Variants in BCHE observed in about 807,000 individuals in gnomAD.
BCHE encodes cholinesterase.
BCHE carries 48 observed loss-of-function variants against 51.3 expected under a neutral mutation model. That is an observed-to-expected ratio of 0.94 (90% confidence interval 0.74 to 1.19). BCHE has a LOEUF of 1.19. BCHE is among the 50% of genes most tolerant of loss of function. The pLI, the probability that BCHE is intolerant of heterozygous loss-of-function variation, is 0.00. For missense variants in BCHE, 847 were observed against 708.2 expected (o/e 1.20, Z -2.23); for synonymous variants, 251 against 238.0 (o/e 1.05, Z -0.50).
chr3:165,792,298 A>T (rs992776428), intron 2 of BCHE, among the ~76,000 whole-genome samples: 3 of 151,762 alleles, frequency 2.0e-5, no homozygotes, highest in East Asian at 1.9e-4. Context: ...TACTTTTGAT[A>T]AAAAAAATCT....
In BCHE at chr3:165,829,743, A is replaced by T; in HGVS notation, c.1291T>A (p.Leu431Met). 1 of 1,613,930 alleles carries T rather than the reference A, an allele frequency of 6.2e-7. No individual in the cohort carries two copies. The highest frequency in any genetic ancestry group is 8.5e-7 in the Non-Finnish European group (1 of 1,179,890). The change falls in exon 2 of 4, where the codon TTG (leucine) becomes ATG (methionine). Residue 431 changes from leucine (L) to methionine (M), a missense_variant. Physicochemically the swap from Leu to Met is conservative, Grantham distance 15. Transcript: ENST00000264381. ...VGDYNFICPA[L>M]EFTKKFSEWG... ...TCTGAGAACTTCTTGGTGAACTCCA[A>T]GGCAGGGCATATGAAATTATAATCC...
chr3:165,781,866 A>C (rs911136844), intron 3 of BCHE, among the ~76,000 whole-genome samples: 1 of 152,150 alleles, frequency 6.6e-6, no homozygotes, highest in Non-Finnish European at 1.5e-5. Flanking sequence ...AATAAATAAT[A>C]AAGTTTTTAT....
rs1442618170 is a variant in BCHE, at chr3:165,830,689, G to A, written c.345C>T (p.Asp115=). ...TTAGATATAAACAGTCTTCACTGAG[G>A]TCAGTGTTTGGGTTCCACATCTCTG... The part of the protein sequence containing the change: ...HGSEMWNPNT[D]LSEDCLYLNV... The change falls in exon 2 of 4, where the codon GAC becomes GAT. Residue 115 remains aspartate (D), a synonymous_variant. Coordinates refer to ENST00000264381, the MANE Select transcript of BCHE (RefSeq NM_000055.4). The A allele has an allele frequency of 7.4e-6, 12 of 1,613,876 alleles. No individual in the cohort carries two copies. The highest frequency in any genetic ancestry group is 1.0e-5 in the Non-Finnish European group (12 of 1,179,964).
chr3:165,781,291 AT>A lies in BCHE; in HGVS notation c.1684+4853del, dbSNP rs1712688186. On this transcript the variant is annotated intron_variant, in intron 3 of 3. Coordinates refer to ENST00000264381, the MANE Select transcript of BCHE (RefSeq NM_000055.4). ...ATAAAGCCCATGCACATGTATGTTT[AT>A]TGCAGCACTATTTACAACAGCAAAG... 3.3e-5 allele frequency among the ~76,000 whole-genome samples: 5 copies of A among 152,276 alleles called. No individual in the cohort carries two copies. In the South Asian group the frequency reaches 1.0e-3, roughly 32 times the overall value.
chr3:165,809,174 C>A (rs966846729), intron 2 of BCHE, among the ~76,000 whole-genome samples: 2 of 151,960 alleles, frequency 1.3e-5, no homozygotes, highest in Admixed American at 6.6e-5. Flanking sequence ...AAGAAAAAAA[C>A]CGTTATGGAC....
At chr3:165,824,843 C>T (rs1024876820) in intron 2 of BCHE, among the ~76,000 whole-genome samples, 7 of 151,590 alleles carry the variant, frequency 4.6e-5, no homozygotes, top group African/African-American at 1.7e-4. Context: ...TAAAAAATAA[C>T]AAAATAAAAG....
intron 3 of BCHE, among the ~76,000 whole-genome samples, chr3:165,781,884 A>G (rs942635649): frequency 7.2e-5 from 11 of 152,288 alleles, no homozygotes; most frequent in African/African-American, 2.6e-4. Context: ...TATTTTCTAA[A>G]AATAATTGCC....
rs1028387606 is a variant in BCHE, at chr3:165,786,307, G to T, written c.1522C>A (p.Pro508Thr). 2 of 1,609,464 alleles carry T rather than the reference G, an allele frequency of 1.2e-6. No individual in the cohort carries two copies. The highest frequency in any genetic ancestry group is 1.7e-5 in the Admixed American group (1 of 59,702). The change falls in exon 3 of 4, where the codon CCA becomes ACA. Residue 508 changes from proline to threonine, a missense_variant. Pro to Thr is a conservative substitution (Grantham distance 38, BLOSUM62 -1). Transcript: ENST00000264381. ...GTGCTATTGTTCTGAGTCTCATTTGGATTCCTAAATAATAAAATAGAGACA... is the reference window on the plus strand; with the variant it reads ...GTGCTATTGTTCTGAGTCTCATTTGTATTCCTAAATAATAAAATAGAGACA... ...RWANFAKYGNPNETQNNSTSW... is the reference protein window; with the variant it reads ...RWANFAKYGNTNETQNNSTSW...
intron 3 of BCHE, among the ~76,000 whole-genome samples, chr3:165,784,850 T>C (rs1260005788): frequency 6.6e-6 from 1 of 151,796 alleles, no homozygotes; most frequent in Admixed American, 6.6e-5. Context: ...TAAAGATTAA[T>C]AATATATAGT....
In BCHE at chr3:165,786,088, C is replaced by A. The variant is rs1268884630; in HGVS notation, c.1684+57G>T. On this transcript the variant is annotated intron_variant, in intron 3 of 3. Transcript: ENST00000264381. ...CCGTGCCTTGGAGAGTATACTTCAT[C>A]CCTTTTTTACATAACCCATCATCTA... The A allele has an allele frequency of 3.2e-6, 5 of 1,553,768 alleles. No individual in the cohort carries two copies. The African/African-American group carries it at 5.4e-5, about 17-fold the overall frequency.
At chr3:165,776,264 T>C (rs1207937816) in intron 3 of BCHE, among the ~76,000 whole-genome samples, 1 of 151,970 alleles carries the variant, frequency 6.6e-6, no homozygotes, top group African/African-American at 2.4e-5. Flanking sequence ...AATGTAAGTT[T>C]CTTAGAATTG....
chr3:165,837,308 A>G lies in BCHE; in HGVS notation c.-9+6T>C, dbSNP rs1336620104. The G allele has an allele frequency of 7.8e-7, 1 of 1,286,586 alleles. No individual in the cohort carries two copies. The highest frequency in any genetic ancestry group is 1.2e-5 in the South Asian group (1 of 80,972). 79.7% of individuals were successfully genotyped at this position (1,286,586 alleles called of 1,614,324 possible). On this transcript the variant is annotated splice_donor_region_variant and intron_variant, in intron 1 of 3. Coordinates refer to ENST00000264381, the MANE Select transcript of BCHE (RefSeq NM_000055.4). ...TACACGAAGGTGTAAATTCAGAGCA[A>G]CTTACCCGATTCTCTGCAACAAAGA... is the stretch of plus-strand genomic sequence containing the variant.
rs767707514 is a variant in BCHE, at chr3:165,830,517, T to C, written c.517A>G (p.Asn173Asp). Residue 173 changes from asparagine (N) to aspartate (D), a missense_variant, in exon 2 of 4, where the codon AAC (asparagine) becomes GAC (aspartate). Physicochemically the swap from Asn to Asp is conservative, Grantham distance 23. Coordinates refer to ENST00000264381, the MANE Select transcript of BCHE (RefSeq NM_000055.4). ...RVERVIVVSMNYRVGALGFLA... is the reference protein window; with the variant it reads ...RVERVIVVSMDYRVGALGFLA... ...AATCCTAGGGCACCCACCCTATAGT[T>C]CATTGACACTACAATAACTCTTTCA... is the stretch of plus-strand genomic sequence containing the variant. 1 of 1,613,938 alleles carries C rather than the reference T, an allele frequency of 6.2e-7. No homozygotes were observed. The highest frequency in any genetic ancestry group is 8.5e-7 in the Non-Finnish European group (1 of 1,179,926).
Position 165,830,493 on chromosome 3 carries a change from A to T in BCHE, c.541T>A (p.Phe181Ile). The change falls in exon 2 of 4, where the codon TTC becomes ATC. Residue 181 changes from phenylalanine to isoleucine, a missense_variant. By Grantham distance (21) the Phe-to-Ile change is conservative (BLOSUM62 0). Transcript: ENST00000264381. ...SMNYRVGALG[F>I]LALPGNPEAP... ...TCAGGATTTCCTGGCAAAGCTAAGA[A>T]TCCTAGGGCACCCACCCTATAGTTC... 2 of 1,613,840 alleles carry T rather than the reference A, an allele frequency of 1.2e-6. No individual in the cohort carries two copies. The highest frequency in any genetic ancestry group is 1.7e-6 in the Non-Finnish European group (2 of 1,179,896).
intron 3 of BCHE, chr3:165,778,642 A>T (rs1380293215): frequency 2.2e-6 from 1 of 448,794 alleles, no homozygotes; most frequent in Non-Finnish European, 4.5e-6. Flanking sequence ...CTGGGCCCTG[A>T]CTCCACTTCA....
At chr3:165,801,342 G>A (rs145233809) in intron 2 of BCHE, among the ~76,000 whole-genome samples, 286 of 152,262 alleles carry the variant, frequency 1.9e-3, no homozygotes, top group African/African-American at 6.7e-3. Flanking sequence ...CTTATGATTT[G>A]CATGTACCTT....
intron 2 of BCHE, among the ~76,000 whole-genome samples, chr3:165,788,069 T>C (rs1355534): frequency 0.65 from 99,016 of 151,782 alleles, 34,707 homozygotes; most frequent in East Asian, 0.78. Context: ...ACCTTCTGTA[T>C]ATTATTAATA....
chr3:165,773,090 A>AG lies in BCHE; in HGVS notation c.*291_*292insC, dbSNP rs1298151095. On this transcript the variant is annotated 3_prime_UTR_variant, in exon 4 of 4. Coordinates refer to ENST00000264381, the MANE Select transcript of BCHE (RefSeq NM_000055.4). ...CAGAGCACTGATAATTTTGGGGGGA[A>AG]AAACTTAAATTTATTAAGGAAAGAA... 4.0e-6 allele frequency: 1 copy of AG among 248,888 alleles called. No homozygotes were observed. Among genetic ancestry groups the AG allele is most frequent in the Non-Finnish European group, 7.7e-6 (1 of 129,766 alleles). 15.4% of individuals were successfully genotyped at this position (248,888 alleles called of 1,614,324 possible). A position where few individuals can be genotyped will look rare whatever the true frequency, so the allele number is the denominator to read the frequency against.
intron 2 of BCHE, among the ~76,000 whole-genome samples, chr3:165,819,982 A>G (rs547858559): frequency 6.6e-6 from 1 of 152,078 alleles, no homozygotes; most frequent in East Asian, 1.9e-4. Flanking sequence ...AGTGGACTGA[A>G]TGTTATACTT....
Sources: gnomAD v4.1 joint callset for allele counts (sites outside exome capture counted in the v4.1 genomes callset) on GRCh38, gnomAD v4.1.1 for gene constraint, MANE v1.5 for transcripts, NCBI Gene and HGNC (gene_info 2026-07-23, HGNC 2026-07-21) for gene names.